Variants in MAP2K6 observed in about 807,000 individuals in gnomAD.
MAP2K6 encodes dual specificity mitogen-activated protein kinase kinase 6.
MAP2K6 carries 16 observed loss-of-function variants against 53.7 expected under a neutral mutation model. That is an observed-to-expected ratio of 0.30 (90% CI 0.20 to 0.45). The LOEUF is 0.45. Ranked by LOEUF, MAP2K6 falls within the 20% of genes least tolerant of loss-of-function variation. MAP2K6 has a pLI of 1.00. For missense variants in MAP2K6, 204 were observed against 411.9 expected (o/e 0.50, Z 4.37); for synonymous variants, 132 against 143.1 (o/e 0.92, Z 0.55).
chr17:69,446,520 T>G (rs868775694), intron 1 of MAP2K6, among the ~76,000 whole-genome samples: 1 of 152,242 alleles, frequency 6.6e-6, no homozygotes, highest in African/African-American at 2.4e-5. Flanking sequence ...AGCTCTCATG[T>G]GTATCAGCTC....
intron 1 of MAP2K6, among the ~76,000 whole-genome samples, chr17:69,472,265 C>T (rs539821333): frequency 1.7e-4 from 26 of 151,722 alleles, no homozygotes; most frequent in African/African-American, 5.6e-4. Flanking sequence ...CATGTACCCC[C>T]GAATCTAAAA....
intron 9 of MAP2K6, among the ~76,000 whole-genome samples, chr17:69,525,847 A>G (rs1298552364): frequency 6.6e-6 from 1 of 152,226 alleles, no homozygotes; most frequent in Non-Finnish European, 1.5e-5. Flanking sequence ...TATCCTCAAT[A>G]CATGATAACC....
intron 1 of MAP2K6, among the ~76,000 whole-genome samples, chr17:69,500,316 T>A (rs1303131542): frequency 6.6e-6 from 1 of 151,638 alleles, no homozygotes; most frequent in African/African-American, 2.4e-5. Context: ...GGCACGTGCC[T>A]GTATTCCCAG....
chr17:69,517,416 A>T (rs1406940548), intron 3 of MAP2K6, 84 bp from the exon 4 acceptor site: 9 of 668,908 alleles, frequency 1.3e-5, no homozygotes, highest in Non-Finnish European at 2.2e-5. Flanking sequence ...TAGAACATTG[A>T]GAGAAACGAG....
chr17:69,457,462 T>A (rs1179752117), intron 1 of MAP2K6, among the ~76,000 whole-genome samples: 1 of 152,192 alleles, frequency 6.6e-6, no homozygotes, highest in Non-Finnish European at 1.5e-5. Context: ...TTAAAGTCTG[T>A]CCTTCCCTGG....
intron 1 of MAP2K6, among the ~76,000 whole-genome samples, chr17:69,443,718 G>A (rs372288689): frequency 1.3e-5 from 2 of 152,134 alleles, no homozygotes; most frequent in Non-Finnish European, 2.9e-5. Context: ...TCTCAAAACC[G>A]AGGGAAGCAC....
chr17:69,489,471 T>TAA (rs1214394037), intron 1 of MAP2K6, among the ~76,000 whole-genome samples: 6 of 152,228 alleles, frequency 3.9e-5, no homozygotes, highest in Non-Finnish European at 8.8e-5. Flanking sequence ...TCCAGACTTA[T>TAA]TACCTAAGAC....
chr17:69,521,127 G>C, intron 7 of MAP2K6, 27 bp downstream of exon 7: 1 of 1,601,436 alleles, frequency 6.2e-7, no homozygotes, highest in African/African-American at 1.3e-5. Context: ...TGCCTTGGCT[G>C]TTCCTTTGAT....
rs532364957 is a variant in MAP2K6 at position 69,550,021 on chromosome 17, A to G, written c.*8268A>G. On this transcript the variant is annotated 3_prime_UTR_variant, in exon 12 of 12. Coordinates refer to ENST00000590474, the MANE Select transcript of MAP2K6 (RefSeq NM_002758.4). ...CTTTTAATTTATTTGCAGTGTTGCT[A>G]TATTATAGAGATGATTTCCTATGGG... The G allele has an allele frequency of 6.6e-6, 1 of 152,314 alleles. No individual in the cohort carries two copies. The highest frequency in any genetic ancestry group is 2.1e-4 in the South Asian group (1 of 4,830). The allele number at this position is 152,314 out of a possible 1,614,324, so 9.4% of individuals were successfully genotyped here.
intron 1 of MAP2K6, among the ~76,000 whole-genome samples, chr17:69,456,282 C>T (rs1009723083): frequency 3.3e-5 from 5 of 152,126 alleles, no homozygotes; most frequent in African/African-American, 7.2e-5. Flanking sequence ...GCCTATGCTT[C>T]GGGCCTCTTT....
At chr17:69,416,307 G>A (rs561775719) in intron 1 of MAP2K6, among the ~76,000 whole-genome samples, 4 of 152,140 alleles carry the variant, frequency 2.6e-5, no homozygotes, top group Non-Finnish European at 5.9e-5. Context: ...GTAGCACTCT[G>A]CTTTTCTTTG....
At chr17:69,495,812 T>G (rs972387573) in intron 1 of MAP2K6, among the ~76,000 whole-genome samples, 3 of 152,222 alleles carry the variant, frequency 2.0e-5, no homozygotes, top group Admixed American at 2.0e-4. Context: ...TAAATTTCTT[T>G]GCAACCCATT....
intron 1 of MAP2K6, among the ~76,000 whole-genome samples, chr17:69,488,310 T>C (rs139936829): frequency 4.5e-4 from 68 of 152,290 alleles, no homozygotes; most frequent in African/African-American, 1.5e-3. Context: ...GAAATGCTTA[T>C]ACATTATTAG....
At chr17:69,492,789 CA>C (rs1908800933) in intron 1 of MAP2K6, among the ~76,000 whole-genome samples, 1 of 152,152 alleles carries the variant, frequency 6.6e-6, no homozygotes, top group African/African-American at 2.4e-5. Context: ...CTTCTCATCT[CA>C]AAAGCCTTAA....
chr17:69,546,152 G>A lies in MAP2K6; in HGVS notation c.*4399G>A, dbSNP rs1213835731. On this transcript the variant is annotated 3_prime_UTR_variant, in exon 12 of 12. Transcript: ENST00000590474. ...CCAATGTTTGCACTGTCTGCTGTTGGTGACCCTCAAAATGAAATTCTTGGC... is the reference window on the plus strand; with the variant it reads ...CCAATGTTTGCACTGTCTGCTGTTGATGACCCTCAAAATGAAATTCTTGGC... 1 of 152,064 alleles carries A rather than the reference G, an allele frequency of 6.6e-6. No individual in the cohort carries two copies. The highest frequency in any genetic ancestry group is 2.4e-5 in the African/African-American group (1 of 41,382). The allele number at this position is 152,064 out of a possible 1,614,324, so 9.4% of individuals were successfully genotyped here. A position where few individuals can be genotyped will look rare whatever the true frequency, so the allele number is the denominator to read the frequency against.
At chr17:69,504,969 A>G (rs1482190611) in intron 1 of MAP2K6, among the ~76,000 whole-genome samples, 3 of 152,178 alleles carry the variant, frequency 2.0e-5, no homozygotes, top group Non-Finnish European at 4.4e-5. Flanking sequence ...AGAACAGTGG[A>G]AAAGCATTTT....
intron 1 of MAP2K6, among the ~76,000 whole-genome samples, chr17:69,467,919 C>A (rs146810732): frequency 0.014 from 2,198 of 152,224 alleles, 43 homozygotes; most frequent in African/African-American, 0.049. Flanking sequence ...GCATGTGCCA[C>A]CACGCCCAGC....
rs142098799 is a variant in MAP2K6 at position 69,458,142 on chromosome 17, C to T, written c.16+43142C>T. Among the ~76,000 whole-genome samples, 566 of 152,284 alleles carry T rather than the reference C, an allele frequency of 3.7e-3. 2 individuals carry two copies. The highest frequency in any genetic ancestry group is 0.012 in the African/African-American group (510 of 41,558). The stretch of plus-strand genomic sequence containing the variant: ...CATCTAGGCTCACTGCAACCTCCGC[C>T]TTCTGGGTTCCAGTGATCCTCGTGC... On this transcript the variant is annotated intron_variant, in intron 1 of 11. Transcript: ENST00000590474.
chr17:69,474,320 G>A (rs1273287798), intron 1 of MAP2K6, among the ~76,000 whole-genome samples: 1 of 152,230 alleles, frequency 6.6e-6, no homozygotes, highest in Admixed American at 6.5e-5. Flanking sequence ...GGTTGGCTGA[G>A]TCTGCCCTGC....
Sources: allele counts gnomAD v4.1 joint callset (sites outside exome capture counted in the v4.1 genomes callset), GRCh38; gene constraint gnomAD v4.1.1; transcripts MANE v1.5; gene names NCBI Gene and HGNC (gene_info 2026-07-23, HGNC 2026-07-21).